The following SHANK2 variants were observed in gnomAD, a reference collection of about 807,000 sequenced individuals.
SHANK2 encodes the protein SH3 and multiple ankyrin repeat domains 2.
SHANK2 carries 43 observed loss-of-function variants against 133.7 expected under a neutral mutation model. The ratio of observed to expected loss-of-function variants is 0.32; its 90% CI spans 0.25 to 0.41. The LOEUF is 0.41. SHANK2 is among the 10% of genes least tolerant of loss of function. The pLI is 1.00. For synonymous variants in SHANK2, 1,017 were observed against 952.8 expected, an observed-to-expected ratio of 1.07 and a Z score of -1.24; for missense variants, 1,994 against 2,235.8, an observed-to-expected ratio of 0.89 and a Z score of 2.18.
At chr11:71,204,057 T>C (rs1555117585) in intron 2 of SHANK2, among the ~76,000 whole-genome samples, 3 of 152,298 alleles carry the variant, frequency 2.0e-5, no homozygotes, top group Middle Eastern at 3.4e-3. Context: ...ACAGCTTCAC[T>C]AAGGACTCTG....
At chr11:71,134,940 G>A (rs1454685095) in intron 3 of SHANK2, among the ~76,000 whole-genome samples, 3 of 152,042 alleles carry the variant, frequency 2.0e-5, no homozygotes, top group African/African-American at 4.8e-5. Context: ...TATAAACGAT[G>A]TCACATGCTC....
intron 17 of SHANK2, among the ~76,000 whole-genome samples, chr11:70,616,378 G>A (rs902661180): frequency 2.0e-5 from 3 of 152,132 alleles, no homozygotes; most frequent in South Asian, 2.1e-4. Flanking sequence ...CCTGGGAGGG[G>A]CCTGGATGGC....
rs1184832970 is a variant in SHANK2 at position 71,150,386 on chromosome 11, GAGGGAGGGAC to G, written c.-12-3058_-12-3049del. ...AGAGGGAGGGACAAGGAGGGAGGGA[GAGGGAGGGAC>G]AGGGAGGGACAGGGAGGGAGGAAGG... is the stretch of plus-strand genomic sequence containing the variant. On this transcript the variant is annotated intron_variant, in intron 2 of 25. Coordinates refer to ENST00000601538, the MANE Select transcript of SHANK2 (RefSeq NM_012309.5). 7.0e-4 allele frequency among the ~76,000 whole-genome samples: 83 copies of G among 119,154 alleles called. 1 individual carries two copies. The highest frequency in any genetic ancestry group is 4.3e-3 in the Middle Eastern group (1 of 232). The allele number at this position is 119,154 out of a possible 152,430, so 78.2% of individuals were successfully genotyped here. A position where few individuals can be genotyped will look rare whatever the true frequency, so the allele number is the denominator to read the frequency against.
chr11:70,789,038 G>A (rs1287195598), intron 14 of SHANK2, among the ~76,000 whole-genome samples: 5 of 152,160 alleles, frequency 3.3e-5, no homozygotes, highest in African/African-American at 1.2e-4. Flanking sequence ...GCTGTAAGAT[G>A]CTCCCAGTAA....
At chr11:70,862,138 G>A (rs1012401646) in intron 11 of SHANK2, among the ~76,000 whole-genome samples, 2 of 152,196 alleles carry the variant, frequency 1.3e-5, no homozygotes, top group African/African-American at 4.8e-5. Flanking sequence ...GCTGATCTAA[G>A]CACCAGACAC....
intron 11 of SHANK2, among the ~76,000 whole-genome samples, chr11:70,856,286 A>G (rs1490787906): frequency 6.6e-6 from 1 of 151,628 alleles, no homozygotes; most frequent in Admixed American, 6.6e-5. Context: ...GGGCAAGTGA[A>G]TGCACAGATG....
chr11:71,202,889 C>A (rs11232539), intron 2 of SHANK2, among the ~76,000 whole-genome samples: 9,796 of 152,330 alleles, frequency 0.064, 727 homozygotes, highest in African/African-American at 0.18. Flanking sequence ...CCATGGGAAA[C>A]TGCCTTGGAA....
chr11:71,152,393 C>A (rs1210164267), intron 2 of SHANK2, among the ~76,000 whole-genome samples: 1 of 152,200 alleles, frequency 6.6e-6, no homozygotes, highest in South Asian at 2.1e-4. Context: ...GGATTACAGG[C>A]GTGAGCCACC....
rs373379917 is a variant in SHANK2 at position 71,147,320 on chromosome 11, G to A, written c.7C>T (p.Arg3Cys). 690 of 1,547,994 alleles carry A rather than the reference G, an allele frequency of 4.5e-4. 9 individuals carry two copies. The South Asian group carries it at 7.7e-3, about 17-fold the overall frequency. The change falls in exon 3 of 26, where the codon CGC becomes TGC. Residue 3 changes from arginine to cysteine, a missense_variant. Physicochemically the swap from Arg to Cys is radical, Grantham distance 180. Transcript: ENST00000601538. MP[R>C]SPTSSEDEMA... ...TCGTCCTCGCTGGATGTTGGGCTGC[G>A]CGGCATGGCTGCCTGTGTCTTCGAG...
At position 71,111,872 on chromosome 11, in the gene SHANK2, CCAGATCTTGCCGT is replaced by C. The variant is rs549563806; in HGVS notation, c.483+1408_483+1420del. Among the ~76,000 whole-genome samples, 33 of 152,274 alleles carry C rather than the reference CCAGATCTTGCCGT, an allele frequency of 2.2e-4. 1 individual carries two copies. In the South Asian group the frequency reaches 6.6e-3, roughly 31 times the overall value. The stretch of plus-strand genomic sequence containing the variant: ...AACAAAAGCCAAAACCCAGAAGCAC[CCAGATCTTGCCGT>C]CTGAATACCGCTTTCCAGGCAAATT... On this transcript the variant is annotated intron_variant, in intron 5 of 25. Transcript: ENST00000601538.
At chr11:70,942,522 C>T in intron 10 of SHANK2, 1 of 456,574 alleles carries the variant, frequency 2.2e-6, no homozygotes, top group Non-Finnish European at 4.4e-6. Context: ...GGTCCCACCT[C>T]CCAACACCCC....
At chr11:71,158,375 GT>G (rs1952943726) in intron 2 of SHANK2, among the ~76,000 whole-genome samples, 1 of 151,786 alleles carries the variant, frequency 6.6e-6, no homozygotes, top group East Asian at 1.9e-4. Context: ...AATAACCAAA[GT>G]CAACTAAAAA....
intron 8 of SHANK2, among the ~76,000 whole-genome samples, chr11:71,079,840 G>A (rs1409353324): frequency 1.0e-5 from 1 of 100,092 alleles, no homozygotes; most frequent in Non-Finnish European, 2.1e-5. Flanking sequence ...GGAAAGGGAG[G>A]GGAAGGAAGG....
At chr11:70,795,562 T>C (rs782455196) in intron 14 of SHANK2, among the ~76,000 whole-genome samples, 1 of 152,044 alleles carries the variant, frequency 6.6e-6, no homozygotes, top group Non-Finnish European at 1.5e-5. Context: ...CATGGCACCA[T>C]GTCCGGCTAA....
intron 17 of SHANK2, among the ~76,000 whole-genome samples, chr11:70,533,779 C>G (rs2059510105): frequency 6.6e-6 from 1 of 152,118 alleles, no homozygotes; most frequent in Non-Finnish European, 1.5e-5. Context: ...CATTAGCAGT[C>G]AGTCCTCACT....
chr11:70,548,041 C>A (rs1554976743), intron 17 of SHANK2, among the ~76,000 whole-genome samples: 1 of 152,248 alleles, frequency 6.6e-6, no homozygotes, highest in African/African-American at 2.4e-5. Context: ...CCTGGTGCAG[C>A]CTTCTGGGCA....
chr11:70,814,643 C>A (rs891548648), intron 12 of SHANK2, among the ~76,000 whole-genome samples: 1 of 152,254 alleles, frequency 6.6e-6, no homozygotes, highest in Non-Finnish European at 1.5e-5. Flanking sequence ...CAGAGCCCCA[C>A]TGGGTCCTGC....
intron 9 of SHANK2, among the ~76,000 whole-genome samples, chr11:71,064,467 G>T (rs1951022596): frequency 6.6e-6 from 1 of 152,206 alleles, no homozygotes; most frequent in Non-Finnish European, 1.5e-5. Flanking sequence ...GATGAGCTGG[G>T]CTGGATAGGA....
chr11:71,124,113 ATGATGG>A (rs1341939158), intron 3 of SHANK2, among the ~76,000 whole-genome samples: 62 of 142,366 alleles, frequency 4.4e-4, no homozygotes, highest in African/African-American at 1.6e-3. Context: ...CATGATGGTG[ATGATGG>A]TGATGGTGAT....
Sources: allele counts gnomAD v4.1 joint callset (sites outside exome capture counted in the v4.1 genomes callset), GRCh38; gene constraint gnomAD v4.1.1; transcripts MANE v1.5; gene names NCBI Gene and HGNC (gene_info 2026-07-23, HGNC 2026-07-21).